The following RAB19 variants were observed in gnomAD, a reference collection of about 807,000 sequenced individuals.
RAB19 encodes ras-related protein Rab-19.
RAB19 carries 21 observed loss-of-function variants against 17.3 expected under a neutral mutation model. That is an observed-to-expected ratio of 1.21 (90% CI 0.86 to 1.74). The LOEUF is 1.74. RAB19 is among the 40% of genes most tolerant of loss of function. RAB19 has a pLI of 0.00. For missense variants in RAB19, 277 were observed against 286.8 expected (o/e 0.97, Z 0.25); for synonymous variants, 126 against 110.4 (o/e 1.14, Z -0.88).
At chr7:140,418,396 C>CAAA (rs140238398) in intron 3 of RAB19, among the ~76,000 whole-genome samples, 17 of 70,352 alleles carry the variant, frequency 2.4e-4, no homozygotes, top group African/African-American at 9.2e-4. Context: ...TGCTAAAATA[C>CAAA]AAAAAAAAAA....
chr7:140,412,214 G>C (rs1015423588), intron 3 of RAB19, among the ~76,000 whole-genome samples, 157 bp downstream of exon 3: 3 of 152,158 alleles, frequency 2.0e-5, no homozygotes, highest in African/African-American at 7.2e-5. Context: ...CACTTTGGGA[G>C]GCTGGGGCGG....
chr7:140,426,219 T>C lies in RAB19; in HGVS notation c.*69T>C. ...GAAACCAAAGGTAGCCAGGATACCG[T>C]AGTGTTGCCCCAGTGGCGCTTTAGA... On this transcript the variant is annotated 3_prime_UTR_variant, in exon 4 of 4. Coordinates refer to ENST00000537763, the MANE Select transcript of RAB19 (RefSeq NM_001008749.3). 1 of 1,553,198 alleles carries C rather than the reference T, an allele frequency of 6.4e-7. No individual in the cohort carries two copies. Among genetic ancestry groups the C allele is most frequent in the Admixed American group, 1.9e-5 (1 of 51,748 alleles).
At chr7:140,416,551 A>G (rs1352897730) in intron 3 of RAB19, among the ~76,000 whole-genome samples, 1 of 152,104 alleles carries the variant, frequency 6.6e-6, no homozygotes, top group Non-Finnish European at 1.5e-5. Context: ...GGATTGGTAC[A>G]TTCTTGTCTG....
chr7:140,407,749 C>T lies in RAB19; in HGVS notation c.103C>T (p.Gln35Ter), dbSNP rs962861019. 1.9e-6 allele frequency: 3 copies of T among 1,613,816 alleles called. No individual in the cohort carries two copies. Among genetic ancestry groups the T allele is most frequent in the Non-Finnish European group, 2.5e-6 (3 of 1,179,902 alleles). ...CAATGTGGGGAAGACGTGTGTGGTG[C>T]AGCATTTCAAGTCTGGAGTCTACAC... is the stretch of plus-strand genomic sequence containing the variant. ...DSNVGKTCVV[Q>*]HFKSGVYTET... The change falls in exon 2 of 4, where the codon CAG (glutamine) becomes TAG (stop). Residue 35 changes from glutamine to a stop codon, truncating the protein, a stop_gained. Transcript: ENST00000537763. LOFTEE classifies it high-confidence loss of function.
At chr7:140,423,887 CTT>C (rs1346853570) in intron 3 of RAB19, among the ~76,000 whole-genome samples, 1 of 151,958 alleles carries the variant, frequency 6.6e-6, no homozygotes, top group African/African-American at 2.4e-5. Context: ...GAATTTTACT[CTT>C]GTTACCCAGG....
intron 3 of RAB19, among the ~76,000 whole-genome samples, chr7:140,424,607 C>G (rs1037696726): frequency 4.2e-5 from 4 of 95,304 alleles, no homozygotes. Flanking sequence ...CTCTCTCTCT[C>G]TCTCTCTCTC....
At position 140,427,392 on chromosome 7, in the gene RAB19, T is replaced by G. The variant is rs1799689819; in HGVS notation, c.*1242T>G. 6.6e-6 allele frequency among the ~76,000 whole-genome samples: 1 copy of G among 150,852 alleles called. No homozygotes were observed. Among genetic ancestry groups the G allele is most frequent in the African/African-American group, 2.4e-5 (1 of 40,944 alleles). On this transcript the variant is annotated 3_prime_UTR_variant, in exon 4 of 4. Transcript: ENST00000537763. ...TGGTCTTGAACTCCTGACCTCATGA[T>G]CCACCCGTCTCGGCCTCCTAAAGTG...
In RAB19 at chr7:140,422,455, A is replaced by G. The variant is rs555782856; in HGVS notation, c.386-3427A>G. 6.6e-5 allele frequency among the ~76,000 whole-genome samples: 10 copies of G among 151,984 alleles called. 2 individuals are homozygous for G. The South Asian group carries it at 2.1e-3, about 32-fold the overall frequency. ...CTTTTTGTAGAGTACACATTTATAC[A>G]TGAGTTTGTTTCTGAGCTGTTTTTC... On this transcript the variant is annotated intron_variant, in intron 3 of 3. Coordinates refer to ENST00000537763, the MANE Select transcript of RAB19 (RefSeq NM_001008749.3).
chr7:140,416,467 G>T (rs1054527754), intron 3 of RAB19, among the ~76,000 whole-genome samples: 2 of 152,114 alleles, frequency 1.3e-5, no homozygotes, highest in African/African-American at 4.8e-5. Context: ...GGGATTTGGG[G>T]GTTGTATACC....
At chr7:140,407,402 A>G (rs1799263171) in intron 1 of RAB19, among the ~76,000 whole-genome samples, 2 of 152,184 alleles carry the variant, frequency 1.3e-5, no homozygotes, top group Non-Finnish European at 2.9e-5. Flanking sequence ...GACCCACCAG[A>G]GAATGGCAGT....
At chr7:140,412,169 C>A in intron 3 of RAB19, 112 bp downstream of exon 3, 1 of 1,128,832 alleles carries the variant, frequency 8.9e-7, no homozygotes, top group Non-Finnish European at 1.3e-6. Flanking sequence ...GTAAGTGATG[C>A]AGCCGGGCAC....
chr7:140,411,172 A>G (rs2948387), intron 2 of RAB19: 538,640 of 1,282,110 alleles, frequency 0.42, 115,141 homozygotes, highest in Non-Finnish European at 0.45. Flanking sequence ...GGCCGAGGCC[A>G]GCAGATCACA....
At chr7:140,411,096 G>A (rs1243328676) in intron 2 of RAB19, 1 of 1,367,472 alleles carries the variant, frequency 7.3e-7, no homozygotes, top group African/African-American at 1.5e-5. Context: ...CAAGACCCCA[G>A]GATAAAATAG....
chr7:140,426,153 T>G lies in RAB19; in HGVS notation c.*3T>G. The G allele has an allele frequency of 6.2e-7, 1 of 1,611,360 alleles. No individual in the cohort carries two copies. Among genetic ancestry groups the G allele is most frequent in the Non-Finnish European group, 8.5e-7 (1 of 1,178,458 alleles). On this transcript the variant is annotated 3_prime_UTR_variant, in exon 4 of 4. Transcript: ENST00000537763. ...AAAAGACCCACTGCACTTGCTAAGA[T>G]GTTTGCAAAGCCAGTTGCACCCACC... is the stretch of plus-strand genomic sequence containing the variant.
intron 1 of RAB19, among the ~76,000 whole-genome samples, chr7:140,405,914 T>C (rs1799231616): frequency 6.6e-6 from 1 of 152,134 alleles, no homozygotes; most frequent in African/African-American, 2.4e-5. Flanking sequence ...ATAATTCTGA[T>C]AATCAGTTAG....
At chr7:140,406,389 C>G (rs1799242062) in intron 1 of RAB19, among the ~76,000 whole-genome samples, 1 of 151,954 alleles carries the variant, frequency 6.6e-6, no homozygotes, top group Admixed American at 6.6e-5. Context: ...CCTGTAATCC[C>G]AGCACTTTGG....
At chr7:140,422,093 A>G (rs1311374000) in intron 3 of RAB19, among the ~76,000 whole-genome samples, 1 of 152,202 alleles carries the variant, frequency 6.6e-6, no homozygotes, top group African/African-American at 2.4e-5. Flanking sequence ...CATTTACTAA[A>G]AAGGCAACCT....
intron 2 of RAB19, 38 bp downstream of exon 2, chr7:140,407,885 T>A (rs1799276762): frequency 2.6e-5 from 14 of 533,036 alleles, no homozygotes; most frequent in Non-Finnish European, 3.4e-5. Flanking sequence ...TCCACCTTTT[T>A]TTTTTTTTTT....
chr7:140,415,306 C>G (rs1799437314), intron 3 of RAB19, among the ~76,000 whole-genome samples: 1 of 152,100 alleles, frequency 6.6e-6, no homozygotes, highest in Non-Finnish European at 1.5e-5. Context: ...AACTCCTGAC[C>G]TCAAGTGATC....
Sources: gnomAD v4.1 joint callset for allele counts (sites outside exome capture counted in the v4.1 genomes callset) on GRCh38, gnomAD v4.1.1 for gene constraint, MANE v1.5 for transcripts, NCBI Gene and HGNC (gene_info 2026-07-23, HGNC 2026-07-21) for gene names.